Variants in NT5DC1 observed in about 807,000 individuals in gnomAD.
The protein encoded by NT5DC1 is 5'-nucleotidase domain containing 1, also known as 5'-nucleotidase domain-containing protein 1.
NT5DC1 carries 42 observed loss-of-function variants against 59.4 expected under a neutral mutation model. That is an observed-to-expected ratio of 0.71 (90% CI 0.55 to 0.92). The LOEUF (loss-of-function observed/expected upper bound fraction) is 0.92. Among genes scored for constraint, NT5DC1 ranks in the 40% least tolerant of loss-of-function variants. The pLI is 0.00. For missense variants in NT5DC1, 501 were observed against 537.1 expected, an observed-to-expected ratio of 0.93 and a Z score of 0.66; for synonymous variants, 172 against 188.1, an observed-to-expected ratio of 0.91 and a Z score of 0.70.
At chr6:116,200,916 C>A (rs1040340684) in intron 6 of NT5DC1, among the ~76,000 whole-genome samples, 32 of 151,998 alleles carry the variant, frequency 2.1e-4, no homozygotes, top group African/African-American at 7.7e-4. Flanking sequence ...AATACAGCTG[C>A]CTTACAACTT....
Position 116,117,862 on chromosome 6 carries a change from T to G in NT5DC1, c.446T>G (p.Leu149Arg). The G allele has an allele frequency of 1.3e-6, 2 of 1,531,990 alleles. No individual in the cohort carries two copies. Among genetic ancestry groups the G allele is most frequent in the Non-Finnish European group, 1.8e-6 (2 of 1,112,494 alleles). 94.9% of individuals were successfully genotyped at this position (1,531,990 alleles called of 1,614,324 possible). Residue 149 changes from leucine (L) to arginine (R), a missense_variant and splice_region_variant, in exon 6 of 12, where the codon CTG becomes CGG. By Grantham distance (102) the Leu-to-Arg change is moderately radical. Coordinates refer to ENST00000319550, the MANE Select transcript of NT5DC1 (RefSeq NM_152729.3). ...TTTCATTTGGAATTATTTTTTCAGC[T>G]GAACAATGGTCAAAAAACATTTGAT... Reference protein sequence around the residue: ...CARVVDYLTKLNNGQKTFDFW... With the variant: ...CARVVDYLTKRNNGQKTFDFW...
intron 6 of NT5DC1, among the ~76,000 whole-genome samples, chr6:116,191,430 G>T (rs1331248883): frequency 6.6e-6 from 1 of 151,984 alleles, no homozygotes; most frequent in East Asian, 1.9e-4. Flanking sequence ...GGAAAGAAGA[G>T]GAGGGAAAAA....
At chr6:116,129,639 A>T (rs1779415273) in intron 6 of NT5DC1, among the ~76,000 whole-genome samples, 1 of 152,104 alleles carries the variant, frequency 6.6e-6, no homozygotes, top group South Asian at 2.1e-4. Flanking sequence ...ATCCTCTTGG[A>T]CTTCCTAGCC....
At chr6:116,175,004 A>T (rs924206365) in intron 6 of NT5DC1, among the ~76,000 whole-genome samples, 1 of 152,192 alleles carries the variant, frequency 6.6e-6, no homozygotes, top group African/African-American at 2.4e-5. Flanking sequence ...TTAGTAAGGG[A>T]TATAGAATAT....
At chr6:116,239,507 G>A (rs1337216625) in intron 11 of NT5DC1, among the ~76,000 whole-genome samples, 1 of 152,212 alleles carries the variant, frequency 6.6e-6, no homozygotes, top group African/African-American at 2.4e-5. Context: ...TACAGGAATA[G>A]GAACTGGAGG....
At chr6:116,162,253 T>G (rs901234813) in intron 6 of NT5DC1, among the ~76,000 whole-genome samples, 1 of 152,202 alleles carries the variant, frequency 6.6e-6, no homozygotes, top group Non-Finnish European at 1.5e-5. Flanking sequence ...CTTTTCCGAT[T>G]TGGATGCCTT....
chr6:116,143,363 A>C (rs1222149216), intron 6 of NT5DC1, among the ~76,000 whole-genome samples: 2 of 152,052 alleles, frequency 1.3e-5, no homozygotes, highest in Non-Finnish European at 2.9e-5. Context: ...GGCATGCATC[A>C]CCATACCCAG....
chr6:116,131,491 A>G (rs1430117366), intron 6 of NT5DC1, among the ~76,000 whole-genome samples: 2 of 152,186 alleles, frequency 1.3e-5, no homozygotes, highest in South Asian at 2.1e-4. Flanking sequence ...CTTGACCTGA[A>G]CTGCAGCTTT....
intron 6 of NT5DC1, among the ~76,000 whole-genome samples, chr6:116,200,099 C>G (rs1781316177): frequency 6.6e-6 from 1 of 151,900 alleles, no homozygotes; most frequent in South Asian, 2.1e-4. Context: ...TAGTATATAC[C>G]CTTAATATAA....
intron 6 of NT5DC1, chr6:116,118,149 A>G (rs1582809997): frequency 1.7e-6 from 1 of 588,350 alleles, no homozygotes; most frequent in South Asian, 1.8e-5. Flanking sequence ...CCCATATTCC[A>G]AGCTGTGCTG....
At chr6:116,218,983 G>T (rs1453238991) in intron 6 of NT5DC1, among the ~76,000 whole-genome samples, 1 of 152,262 alleles carries the variant, frequency 6.6e-6, no homozygotes, top group Non-Finnish European at 1.5e-5. Flanking sequence ...GAGTTAGTCA[G>T]TGACTTAATC....
intron 6 of NT5DC1, among the ~76,000 whole-genome samples, chr6:116,204,976 A>G (rs1334134655): frequency 2.0e-5 from 3 of 152,046 alleles, no homozygotes; most frequent in Admixed American, 2.0e-4. Flanking sequence ...GTGTAAGTCC[A>G]TAACACCTTA....
chr6:116,190,293 ACTGT>A (rs1436379017), intron 6 of NT5DC1, among the ~76,000 whole-genome samples: 2 of 152,146 alleles, frequency 1.3e-5, no homozygotes, highest in Admixed American at 1.3e-4. Context: ...TATATGAAAT[ACTGT>A]CTTTTTCCTT....
intron 6 of NT5DC1, among the ~76,000 whole-genome samples, chr6:116,213,509 G>A (rs375194253): frequency 2.6e-5 from 4 of 152,042 alleles, no homozygotes; most frequent in East Asian, 3.9e-4. Flanking sequence ...ATTGGTCAAA[G>A]CAGTAAAATA....
chr6:116,133,561 A>T (rs2114338195), intron 6 of NT5DC1, among the ~76,000 whole-genome samples: 1 of 152,294 alleles, frequency 6.6e-6, no homozygotes, highest in South Asian at 2.1e-4. Context: ...AACACAGACC[A>T]CCAAGAAACC....
intron 4 of NT5DC1, among the ~76,000 whole-genome samples, chr6:116,111,568 G>A (rs925403933): frequency 8.5e-5 from 13 of 152,076 alleles, no homozygotes; most frequent in African/African-American, 3.1e-4. Flanking sequence ...CTAATTATTA[G>A]TTTTTTTATT....
chr6:116,138,195 C>T (rs59276499), intron 6 of NT5DC1, among the ~76,000 whole-genome samples: 32,267 of 152,074 alleles, frequency 0.21, 3,603 homozygotes, highest in South Asian at 0.28. Flanking sequence ...CATAGCAGCC[C>T]CGTGAAGTAG....
At chr6:116,149,623 TG>T (rs1779985121) in intron 6 of NT5DC1, among the ~76,000 whole-genome samples, 1 of 152,136 alleles carries the variant, frequency 6.6e-6, no homozygotes, top group South Asian at 2.1e-4. Context: ...TTGGAGAAAT[TG>T]TTTTTCCAAA....
At chr6:116,149,806 A>G (rs1779990940) in intron 6 of NT5DC1, among the ~76,000 whole-genome samples, 1 of 152,336 alleles carries the variant, frequency 6.6e-6, no homozygotes, top group African/African-American at 2.4e-5. Context: ...TCAAATAGAA[A>G]TCTTTTTAAT....
Sources: gnomAD v4.1 joint callset for allele counts (sites outside exome capture counted in the v4.1 genomes callset) on GRCh38, gnomAD v4.1.1 for gene constraint, MANE v1.5 for transcripts, NCBI Gene and HGNC (gene_info 2026-07-23, HGNC 2026-07-21) for gene names.